Variants in SPIDR observed in about 807,000 individuals in gnomAD.
SPIDR encodes the protein DNA repair-scaffolding protein.
A neutral mutation model predicts 104.6 loss-of-function variants in SPIDR; 93 were observed. The observed-to-expected ratio is 0.89, with a 90% CI of 0.75 to 1.06. SPIDR has a LOEUF of 1.06. SPIDR is among the 50% of genes least tolerant of loss of function. SPIDR has a pLI of 0.00. For missense variants in SPIDR, 1,154 were observed against 1,111.2 expected, an observed-to-expected ratio of 1.04 and a Z score of -0.55; for synonymous variants, 431 against 416.9, an observed-to-expected ratio of 1.03 and a Z score of -0.41.
At chr8:47,471,529 C>T (rs2075704863) in intron 8 of SPIDR, among the ~76,000 whole-genome samples, 1 of 151,722 alleles carries the variant, frequency 6.6e-6, no homozygotes, top group South Asian at 2.1e-4. Context: ...GGCAAAGATG[C>T]AAAGAAATTG....
intron 5 of SPIDR, 132 bp from the exon 6 acceptor site, chr8:47,396,244 G>T: frequency 1.3e-6 from 1 of 759,712 alleles, no homozygotes; most frequent in Non-Finnish European, 2.1e-6. Flanking sequence ...TAAAGCTGCA[G>T]ATACTGTATT....
At chr8:47,499,254 T>C in intron 8 of SPIDR, among the ~76,000 whole-genome samples, 1 of 152,332 alleles carries the variant, frequency 6.6e-6, no homozygotes, top group Non-Finnish European at 1.5e-5. Flanking sequence ...ATGTAACTAA[T>C]GACAGAAGTT....
chr8:47,627,697 C>G (rs950799935), intron 10 of SPIDR, among the ~76,000 whole-genome samples: 1 of 152,036 alleles, frequency 6.6e-6, no homozygotes, highest in Admixed American at 6.6e-5. Flanking sequence ...CCTCCCTGGC[C>G]CCCAGCACCC....
intron 8 of SPIDR, among the ~76,000 whole-genome samples, chr8:47,519,998 CA>C (rs1431189989): frequency 6.6e-6 from 1 of 152,098 alleles, no homozygotes; most frequent in Admixed American, 6.5e-5. Context: ...GCCCTTATAC[CA>C]ATTGGTATAG....
chr8:47,729,710 CTTTT>C (rs750275107), intron 19 of SPIDR: 227 of 516,900 alleles, frequency 4.4e-4, no homozygotes, highest in Middle Eastern at 5.1e-4. Flanking sequence ...TGTCCCCTGG[CTTTT>C]TTGTTTGTTT....
chr8:47,567,238 T>G lies in SPIDR; in HGVS notation c.1098-28573T>G, dbSNP rs1472152096. 2.0e-5 allele frequency among the ~76,000 whole-genome samples: 3 copies of G among 151,682 alleles called. No individual in the cohort carries two copies. The East Asian group carries it at 5.8e-4, about 29-fold the overall frequency. The stretch of plus-strand genomic sequence containing the variant: ...ATATATATATATATATTTTTTTTCT[T>G]TTTTTAGTTTTGCTCTCGTTGCCCA... On this transcript the variant is annotated intron_variant, in intron 8 of 19. Transcript: ENST00000297423.
At chr8:47,368,806 G>A (rs2057598314) in intron 5 of SPIDR, among the ~76,000 whole-genome samples, 1 of 152,146 alleles carries the variant, frequency 6.6e-6, no homozygotes, top group African/African-American at 2.4e-5. Flanking sequence ...TAGCATCAAA[G>A]AATTCTGGGC....
chr8:47,487,438 C>T (rs1238260765), intron 8 of SPIDR, among the ~76,000 whole-genome samples: 1 of 152,106 alleles, frequency 6.6e-6, no homozygotes, highest in Non-Finnish European at 1.5e-5. Flanking sequence ...CAACATTAGA[C>T]AGATCAACGA....
intron 1 of SPIDR, among the ~76,000 whole-genome samples, chr8:47,277,820 G>A (rs938552401): frequency 7.9e-5 from 12 of 151,476 alleles, no homozygotes; most frequent in Non-Finnish European, 1.2e-4. Context: ...GACTACAGGC[G>A]CACACCACCA....
chr8:47,535,451 A>G (rs1275729326), intron 8 of SPIDR, among the ~76,000 whole-genome samples: 1 of 152,150 alleles, frequency 6.6e-6, no homozygotes, highest in Non-Finnish European at 1.5e-5. Flanking sequence ...AAGACATTAT[A>G]AGAAAGGGAA....
intron 10 of SPIDR, among the ~76,000 whole-genome samples, chr8:47,616,003 C>T (rs2064256972): frequency 6.6e-6 from 1 of 151,904 alleles, no homozygotes; most frequent in South Asian, 2.1e-4. Context: ...ATAAAAAAAA[C>T]AACTTATTTT....
At chr8:47,363,439 C>T (rs1554631827) in intron 5 of SPIDR, among the ~76,000 whole-genome samples, 5 of 150,702 alleles carry the variant, frequency 3.3e-5, no homozygotes, top group Non-Finnish European at 1.5e-5. Context: ...ATCTCCTGAC[C>T]TCTAGATCCA....
chr8:47,671,837 T>C (rs532288967), intron 10 of SPIDR, among the ~76,000 whole-genome samples: 1 of 152,210 alleles, frequency 6.6e-6, no homozygotes, highest in Non-Finnish European at 1.5e-5. Flanking sequence ...TAAAATCTTA[T>C]TTGTGTGCTT....
At chr8:47,527,948 A>G (rs1023035348) in intron 8 of SPIDR, 1 of 152,142 alleles carries the variant, frequency 6.6e-6, no homozygotes, top group Non-Finnish European at 1.5e-5. Flanking sequence ...CTTGATTGAC[A>G]TCTCATGGAG....
intron 14 of SPIDR, among the ~76,000 whole-genome samples, chr8:47,704,597 G>A (rs562106731): frequency 6.6e-6 from 1 of 152,206 alleles, no homozygotes; most frequent in Non-Finnish European, 1.5e-5. Flanking sequence ...GTTGTCTCAT[G>A]TCCTTGTCTG....
At chr8:47,382,975 C>T (rs782011265) in intron 5 of SPIDR, among the ~76,000 whole-genome samples, 1 of 152,094 alleles carries the variant, frequency 6.6e-6, no homozygotes, top group Non-Finnish European at 1.5e-5. Flanking sequence ...CCAAAAGAAA[C>T]GGAATTGTGG....
intron 14 of SPIDR, among the ~76,000 whole-genome samples, chr8:47,712,128 G>A (rs977356685): frequency 3.3e-5 from 5 of 152,028 alleles, no homozygotes; most frequent in South Asian, 2.1e-4. Context: ...GGCATTACAA[G>A]TTTTGAAGAT....
chr8:47,281,820 TA>T (rs1189795048), intron 2 of SPIDR, among the ~76,000 whole-genome samples: 1 of 152,242 alleles, frequency 6.6e-6, no homozygotes, highest in African/African-American at 2.4e-5. Context: ...GAATGGTGAA[TA>T]TTTTTCTGAA....
intron 8 of SPIDR, among the ~76,000 whole-genome samples, chr8:47,595,295 C>T (rs1240729206): frequency 1.3e-5 from 2 of 152,098 alleles, no homozygotes; most frequent in Non-Finnish European, 2.9e-5. Flanking sequence ...TGAGAAGAAC[C>T]AGGAGAATTT....
Sources: gnomAD v4.1 joint callset for allele counts (sites outside exome capture counted in the v4.1 genomes callset) on GRCh38, gnomAD v4.1.1 for gene constraint, MANE v1.5 for transcripts, NCBI Gene and HGNC (gene_info 2026-07-23, HGNC 2026-07-21) for gene names.